Variants in MUSK observed in about 807,000 individuals in gnomAD.
MUSK encodes muscle associated receptor tyrosine kinase, also known as muscle, skeletal receptor tyrosine-protein kinase.
In MUSK, 55 loss-of-function variants were observed where a neutral mutation model predicts 88.7. The ratio of observed to expected loss-of-function variants is 0.62; its 90% CI spans 0.50 to 0.78. The LOEUF (loss-of-function observed/expected upper bound fraction) is 0.78, where lower values mean the gene tolerates loss of function less well. Ranked by LOEUF, MUSK falls within the 30% of genes least tolerant of loss-of-function variation. The probability of loss-of-function intolerance (pLI) is 0.00; values close to 1 mark genes in which losing one functional copy is unlikely to be tolerated. For synonymous variants in MUSK, 387 were observed against 391.9 expected (o/e 0.99, Z 0.15); for missense variants, 1,015 against 1,074.3 (o/e 0.94, Z 0.77).
intron 1 of MUSK, among the ~76,000 whole-genome samples, chr9:110,674,541 TA>T (rs952140935): frequency 2.6e-5 from 4 of 152,128 alleles, no homozygotes; most frequent in Non-Finnish European, 4.4e-5. Flanking sequence ...AAGTCACCTA[TA>T]TGCCTTTCTA....
At chr9:110,778,244 G>A (rs1003729503) in intron 11 of MUSK, among the ~76,000 whole-genome samples, 5 of 152,088 alleles carry the variant, frequency 3.3e-5, no homozygotes, top group African/African-American at 1.2e-4. Context: ...TTTGGCTGAA[G>A]TGAAACATCT....
At chr9:110,756,962 G>A (rs879256025) in intron 7 of MUSK, among the ~76,000 whole-genome samples, 2 of 151,906 alleles carry the variant, frequency 1.3e-5, no homozygotes, top group Admixed American at 1.3e-4. Flanking sequence ...AACTACTGGT[G>A]GAAAAAATAA....
chr9:110,779,201 TTAATC>T (rs1193404827), intron 11 of MUSK, among the ~76,000 whole-genome samples: 2 of 152,098 alleles, frequency 1.3e-5, no homozygotes, highest in Non-Finnish European at 2.9e-5. Context: ...TAACAGTTAT[TTAATC>T]TAAAGTCTCC....
In MUSK at chr9:110,758,356, T is replaced by C. The variant is rs184673658; in HGVS notation, c.914-3846T>C. Among the ~76,000 whole-genome samples the C allele has an allele frequency of 6.1e-3, 923 of 152,370 alleles. 50 individuals are homozygous for C. Among genetic ancestry groups the C allele is most frequent in the Admixed American group, 0.053 (818 of 15,310 alleles). On this transcript the variant is annotated intron_variant, in intron 7 of 14. Transcript: ENST00000374448. ...ACATTTTGAAAAACAGTTTTCAAAA[T>C]GCCACTGGAGTGTTAACAAATTAAT...
At chr9:110,778,501 AC>A (rs904864215) in intron 11 of MUSK, among the ~76,000 whole-genome samples, 8 of 152,106 alleles carry the variant, frequency 5.3e-5, no homozygotes, top group African/African-American at 1.9e-4. Context: ...AGAATAAAGG[AC>A]CCAATGAATG....
chr9:110,749,131 AT>A (rs2077215783), intron 7 of MUSK, among the ~76,000 whole-genome samples: 1 of 152,248 alleles, frequency 6.6e-6, no homozygotes, highest in African/African-American at 2.4e-5. Context: ...GCACTTTTAC[AT>A]GCATTTATCA....
At chr9:110,747,033 T>G (rs1192766167) in intron 6 of MUSK, among the ~76,000 whole-genome samples, 1 of 152,216 alleles carries the variant, frequency 6.6e-6, no homozygotes, top group African/African-American at 2.4e-5. Context: ...GTATTGGTTA[T>G]CTATGGTTGT....
At chr9:110,773,657 T>G (rs2077616806) in intron 9 of MUSK, among the ~76,000 whole-genome samples, 1 of 152,118 alleles carries the variant, frequency 6.6e-6, no homozygotes, top group South Asian at 2.1e-4. Flanking sequence ...AAAAAAAAAT[T>G]CTGTCATTGT....
chr9:110,725,943 T>C (rs57924892), intron 5 of MUSK, among the ~76,000 whole-genome samples: 1 of 151,916 alleles, frequency 6.6e-6, no homozygotes, highest in Admixed American at 6.6e-5. Context: ...GCAGGATATG[T>C]GGAAAAACTA....
At chr9:110,757,264 GC>G (rs2077337957) in intron 7 of MUSK, among the ~76,000 whole-genome samples, 1 of 151,944 alleles carries the variant, frequency 6.6e-6, no homozygotes, top group Admixed American at 6.6e-5. Flanking sequence ...TTCGAGACTA[GC>G]CTGGCCAACA....
chr9:110,733,238 T>C (rs2076986498), intron 5 of MUSK, among the ~76,000 whole-genome samples: 2 of 152,120 alleles, frequency 1.3e-5, no homozygotes, highest in South Asian at 4.1e-4. Context: ...AACACTGAAT[T>C]TGAAGTCAGA....
rs1564217382 is a variant in MUSK at position 110,689,552 on chromosome 9, T to TTATATATAG, written c.358+2285_358+2286insATATATAGT. On this transcript the variant is annotated intron_variant, in intron 3 of 14. Transcript: ENST00000374448. ...ATATATAAATATATAGTTATATATA[T>TTATATATAG]TTATATATTATATATATTTATATAT... 2.5e-3 allele frequency among the ~76,000 whole-genome samples: 89 copies of TTATATATAG among 36,284 alleles called. 3 individuals are homozygous for TTATATATAG. The highest frequency in any genetic ancestry group is 0.014 in the African/African-American group (75 of 5,290). The allele number at this position is 36,284 out of a possible 152,430, so 23.8% of individuals were successfully genotyped here.
chr9:110,762,215 A>T lies in MUSK; in HGVS notation c.920+7A>T. 7.0e-7 allele frequency: 1 copy of T among 1,432,458 alleles called. No homozygotes were observed. Among genetic ancestry groups the T allele is most frequent in the Non-Finnish European group, 9.2e-7 (1 of 1,089,570 alleles). The allele number at this position is 1,432,458 out of a possible 1,614,324, so 88.7% of individuals were successfully genotyped here. Reference sequence around the variant, plus strand: ...TCCTGTTAATAGAATGGAGGTAAGAAACTGTTATTGTAACAATTGTTTCCA... The same window carrying T: ...TCCTGTTAATAGAATGGAGGTAAGATACTGTTATTGTAACAATTGTTTCCA... On this transcript the variant is annotated splice_region_variant and intron_variant, in intron 8 of 14. Transcript: ENST00000374448.
At chr9:110,760,613 C>T (rs1230767263) in intron 7 of MUSK, among the ~76,000 whole-genome samples, 3 of 151,952 alleles carry the variant, frequency 2.0e-5, no homozygotes. Flanking sequence ...AATAGAACAA[C>T]TTTCGGGCAC....
chr9:110,695,333 G>A, intron 3 of MUSK, 70 bp from the exon 4 acceptor site: 1 of 1,089,662 alleles, frequency 9.2e-7, no homozygotes, highest in Non-Finnish European at 1.3e-6. Flanking sequence ...GAATTAAATT[G>A]AAAGTTAGAA....
chr9:110,751,304 G>A (rs566161014), intron 7 of MUSK, among the ~76,000 whole-genome samples: 6 of 152,288 alleles, frequency 3.9e-5, no homozygotes, highest in Non-Finnish European at 7.4e-5. Flanking sequence ...ATCTTCCAGT[G>A]GTAGAAAGAG....
chr9:110,690,020 AT>A (rs2076300292), intron 3 of MUSK, among the ~76,000 whole-genome samples: 1 of 91,132 alleles, frequency 1.1e-5, no homozygotes, highest in African/African-American at 5.2e-5. Flanking sequence ...AATATATAAT[AT>A]ATATTATATA....
At chr9:110,768,255 C>T (rs980383148) in intron 9 of MUSK, among the ~76,000 whole-genome samples, 172 bp downstream of exon 9, 1 of 152,126 alleles carries the variant, frequency 6.6e-6, no homozygotes, top group Non-Finnish European at 1.5e-5. Context: ...CCCAGCACTT[C>T]GGGAGGCCGA....
chr9:110,756,704 A>C (rs536554732), intron 7 of MUSK, among the ~76,000 whole-genome samples: 1 of 152,198 alleles, frequency 6.6e-6, no homozygotes, highest in South Asian at 2.1e-4. Context: ...CTTTCTCCTT[A>C]TATTTGCTGA....
Sources: gnomAD v4.1 joint callset for allele counts (sites outside exome capture counted in the v4.1 genomes callset) on GRCh38, gnomAD v4.1.1 for gene constraint, MANE v1.5 for transcripts, NCBI Gene and HGNC (gene_info 2026-07-23, HGNC 2026-07-21) for gene names.